PPP1R3A: variants seen among roughly 807,000 people sequenced by gnomAD.
The protein encoded by PPP1R3A is RG1.
In PPP1R3A, 29 loss-of-function variants were observed where a neutral mutation model predicts 41.7. That is an observed-to-expected ratio of 0.70 (90% CI 0.52 to 0.95). PPP1R3A has a LOEUF of 0.95. Among genes scored for constraint, PPP1R3A ranks in the 40% least tolerant of loss-of-function variants. PPP1R3A has a pLI of 0.00. For missense variants in PPP1R3A, 1,352 were observed against 1,292.4 expected (o/e 1.05, Z -0.71); for synonymous variants, 485 against 453.4 (o/e 1.07, Z -0.89).
intron 1 of PPP1R3A, among the ~76,000 whole-genome samples, chr7:113,916,324 G>A (rs544132756): frequency 2.0e-5 from 3 of 152,122 alleles, no homozygotes; most frequent in East Asian, 1.9e-4. Context: ...AATGGTGTCC[G>A]CTGTGAATCC....
In PPP1R3A at chr7:113,879,267, C is replaced by T. The variant is rs144397367; in HGVS notation, c.1825G>A (p.Ala609Thr). Residue 609 changes from alanine (A) to threonine (T), a missense_variant, in exon 4 of 4, where the codon GCT (alanine) becomes ACT (threonine). Physicochemically the swap from Ala to Thr is moderately conservative, Grantham distance 58. Transcript: ENST00000284601. ...EHHHLTSEGS[A>T]LGGITGQVCS... ...ACTTGACCAGTTATCCCTCCTAAAG[C>T]GCTGCCTTCACTAGTCAAATGATGA... The T allele has an allele frequency of 5.0e-5, 80 of 1,613,532 alleles. No individual in the cohort carries two copies. Among genetic ancestry groups the T allele is most frequent in the Middle Eastern group, 1.6e-4 (1 of 6,084 alleles).
intron 1 of PPP1R3A, among the ~76,000 whole-genome samples, chr7:113,887,912 T>A (rs1796813407): frequency 6.6e-6 from 1 of 152,000 alleles, no homozygotes; most frequent in African/African-American, 2.4e-5. Context: ...GCACCTGTAA[T>A]CCCAGCTACT....
intron 1 of PPP1R3A, among the ~76,000 whole-genome samples, chr7:113,915,527 A>C (rs1797323412): frequency 6.9e-6 from 1 of 145,592 alleles, no homozygotes; most frequent in Non-Finnish European, 1.5e-5. Flanking sequence ...AAAAAATCAT[A>C]TATATATATG....
intron 1 of PPP1R3A, among the ~76,000 whole-genome samples, chr7:113,906,910 G>C (rs1562925350): frequency 1.3e-5 from 2 of 151,716 alleles, no homozygotes; most frequent in East Asian, 3.9e-4. Context: ...GCTGAGCCTA[G>C]AGAAAGGAAG....
rs771586895 is a variant in PPP1R3A, at chr7:113,877,805, A to T, written c.3287T>A (p.Ile1096Asn). The change falls in exon 4 of 4, where the codon ATT (isoleucine) becomes AAT (asparagine). Residue 1096 changes from isoleucine to asparagine, a missense_variant. Physicochemically the swap from Ile to Asn is moderately radical, Grantham distance 149. Coordinates refer to ENST00000284601, the MANE Select transcript of PPP1R3A (RefSeq NM_002711.4). ...LITVYHYDLM[I>N]GLTFYVLSLS... ...TGACAAAACGTAGAATGTCAAGCCAATCATTAAGTCATAATGGTAGACAGT... is the reference window on the plus strand; with the variant it reads ...TGACAAAACGTAGAATGTCAAGCCATTCATTAAGTCATAATGGTAGACAGT... 6.2e-7 allele frequency: 1 copy of T among 1,607,240 alleles called. No homozygotes were observed. Among genetic ancestry groups the T allele is most frequent in the Admixed American group, 1.7e-5 (1 of 59,556 alleles).
intron 1 of PPP1R3A, among the ~76,000 whole-genome samples, chr7:113,911,587 T>C (rs967074929): frequency 6.6e-6 from 1 of 152,094 alleles, no homozygotes; most frequent in Non-Finnish European, 1.5e-5. Flanking sequence ...AAGAAAAACA[T>C]GTCCTCAGTT....
chr7:113,883,051 C>T (rs1271851634), intron 1 of PPP1R3A, among the ~76,000 whole-genome samples: 1 of 151,918 alleles, frequency 6.6e-6, no homozygotes, highest in Non-Finnish European at 1.5e-5. Flanking sequence ...TTGTAAAAGA[C>T]AAATACCTTT....
At chr7:113,909,898 G>T (rs1055679179) in intron 1 of PPP1R3A, among the ~76,000 whole-genome samples, 1 of 152,034 alleles carries the variant, frequency 6.6e-6, no homozygotes, top group Admixed American at 6.6e-5. Context: ...CTTCCCAAGA[G>T]ATATGTATTA....
chr7:113,880,021 C>T lies in PPP1R3A; in HGVS notation c.1071G>A (p.Glu357=). Residue 357 remains glutamate (E), a synonymous_variant, in exon 4 of 4, where the codon GAG becomes GAA. Coordinates refer to ENST00000284601, the MANE Select transcript of PPP1R3A (RefSeq NM_002711.4). ...ATATTTCACCATGGATTTGCTTCTT[C>T]TCTAACCCCTCTGCTTTATTTGGAA... ...VNFPNKAEGL[E]KKQIHGEICT... is the part of the protein sequence containing the mutation. The T allele has an allele frequency of 3.1e-6, 5 of 1,612,208 alleles. No homozygotes were observed. Among genetic ancestry groups the T allele is most frequent in the Non-Finnish European group, 4.2e-6 (5 of 1,178,562 alleles).
intron 1 of PPP1R3A, among the ~76,000 whole-genome samples, chr7:113,900,136 ACTT>A: frequency 6.6e-6 from 1 of 151,836 alleles, no homozygotes; most frequent in East Asian, 1.9e-4. Context: ...TATGTTAACA[ACTT>A]CTGCTTATTA....
chr7:113,895,627 ATATC>A (rs762798776), intron 1 of PPP1R3A, among the ~76,000 whole-genome samples: 1 of 151,934 alleles, frequency 6.6e-6, no homozygotes, highest in Admixed American at 6.6e-5. Flanking sequence ...GTTGGAATTT[ATATC>A]TATTTTCAAG....
Position 113,877,333 on chromosome 7 carries a change from TA to T in PPP1R3A, c.*389del, listed in dbSNP as rs1796583086. The T allele has an allele frequency of 1.3e-5, 2 of 158,256 alleles. No individual in the cohort carries two copies. Among genetic ancestry groups the T allele is most frequent in the South Asian group, 4.0e-4 (2 of 4,946 alleles). The allele number at this position is 158,256 out of a possible 1,614,324, so 9.8% of individuals were successfully genotyped here. ...CATTGTCCATGTTTTATCTGTTTTTTAAAACCGTAGGGGAAAATATATACTC... is the reference window on the plus strand; with the variant it reads ...CATTGTCCATGTTTTATCTGTTTTTTAAACCGTAGGGGAAAATATATACTC... On this transcript the variant is annotated 3_prime_UTR_variant, in exon 4 of 4. Transcript: ENST00000284601.
In PPP1R3A at chr7:113,879,219, C is replaced by T. The variant is rs17847380; in HGVS notation, c.1873G>A (p.Val625Ile). The T allele has an allele frequency of 1.1e-4, 179 of 1,613,626 alleles. 1 individual carries two copies. The East Asian group carries it at 3.7e-3, about 34-fold the overall frequency. The change falls in exon 4 of 4, where the codon GTT (valine) becomes ATT (isoleucine). Residue 625 changes from valine (V) to isoleucine (I), a missense_variant. Val to Ile is a conservative substitution (Grantham distance 29, BLOSUM62 3). Transcript: ENST00000284601. ...GQVCSSRTGN[V>I]LRNDYLFQVE... ...TGGAAAAGATAATCATTCCTCAAAA[C>T]ATTTCCAGTTCTTGATGAACAAACT...
In PPP1R3A at chr7:113,918,519, TTACATA is replaced by T; in HGVS notation, c.472_477del (p.Tyr158_Val159del). 1 of 1,612,990 alleles carries T rather than the reference TTACATA, an allele frequency of 6.2e-7. No homozygotes were observed. The highest frequency in any genetic ancestry group is 1.1e-5 in the South Asian group (1 of 91,070). On this transcript the variant is annotated inframe_deletion, in exon 1 of 4. Coordinates refer to ENST00000284601, the MANE Select transcript of PPP1R3A (RefSeq NM_002711.4). ...GTCTGCCAGTCATCTAAAGACATTC[TTACATA>T]TACTAACTTCTCAAAAGAAACATTC...
chr7:113,881,888 T>C, intron 3 of PPP1R3A, 151 bp downstream of exon 3: 1 of 833,734 alleles, frequency 1.2e-6, no homozygotes, highest in Non-Finnish European at 1.9e-6. Context: ...AAGTGCCTTG[T>C]TGATCAAGCT....
chr7:113,879,690 T>G lies in PPP1R3A; in HGVS notation c.1402A>C (p.Lys468Gln). 6.2e-7 allele frequency: 1 copy of G among 1,613,220 alleles called. No individual in the cohort carries two copies. The highest frequency in any genetic ancestry group is 1.7e-5 in the Admixed American group (1 of 59,830). The change falls in exon 4 of 4, where the codon AAA (lysine) becomes CAA (glutamine). Residue 468 changes from lysine (K) to glutamine (Q), a missense_variant. Physicochemically the swap from Lys to Gln is moderately conservative, Grantham distance 53. Transcript: ENST00000284601. Reference protein sequence around the residue: ...SDQLMAGNLNKKHEGGAKNIE... With the variant: ...SDQLMAGNLNQKHEGGAKNIE... ...TTTTTAGCTCCTCCTTCATGTTTTTTATTAAGGTTTCCTGCCATTAGTTGA... is the reference window on the plus strand; with the variant it reads ...TTTTTAGCTCCTCCTTCATGTTTTTGATTAAGGTTTCCTGCCATTAGTTGA...
At position 113,909,321 on chromosome 7, in the gene PPP1R3A, T is replaced by C. The variant is rs1377227350; in HGVS notation, c.782+8894A>G. On this transcript the variant is annotated intron_variant, in intron 1 of 3. Transcript: ENST00000284601. ...AAGAATTCTAATATAGCTATCTTTT[T>C]AGGTAAGATAGAAGAATAAATGAAG... is the stretch of plus-strand genomic sequence containing the variant. Among the ~76,000 whole-genome samples the C allele has an allele frequency of 3.9e-5, 6 of 152,050 alleles. No individual in the cohort carries two copies. The East Asian group carries it at 1.2e-3, about 29-fold the overall frequency.
chr7:113,878,747 T>C lies in PPP1R3A; in HGVS notation c.2345A>G (p.Asp782Gly). The change falls in exon 4 of 4, where the codon GAT (aspartate) becomes GGT (glycine). Residue 782 changes from aspartate to glycine, a missense_variant. Transcript: ENST00000284601. ...AFDPHEGRND[D>G]SHYTLCQRDT... Reference sequence around the variant, plus strand: ...TCGTTGACAAAGGGTATAATGTGAATCATCATTTCTCCCTTCATGTGGATC... The same window carrying C: ...TCGTTGACAAAGGGTATAATGTGAACCATCATTTCTCCCTTCATGTGGATC... The C allele has an allele frequency of 6.2e-7, 1 of 1,612,704 alleles. No individual in the cohort carries two copies. The highest frequency in any genetic ancestry group is 1.1e-5 in the South Asian group (1 of 90,452).
chr7:113,885,496 T>A (rs934255193), intron 1 of PPP1R3A, among the ~76,000 whole-genome samples: 3 of 152,130 alleles, frequency 2.0e-5, no homozygotes, highest in African/African-American at 7.2e-5. Flanking sequence ...GAGAAACTCT[T>A]GCATATATTA....
Sources: allele counts gnomAD v4.1 joint callset (sites outside exome capture counted in the v4.1 genomes callset), GRCh38; gene constraint gnomAD v4.1.1; transcripts MANE v1.5; gene names NCBI Gene and HGNC (gene_info 2026-07-23, HGNC 2026-07-21).